Variants in BTBD9 observed in about 807,000 individuals in gnomAD.
The protein encoded by BTBD9 is BTB domain containing 9, also known as BTB/POZ domain-containing protein 9.
BTBD9 carries 49 observed loss-of-function variants against 64.3 expected under a neutral mutation model. The observed-to-expected ratio is 0.76, with a 90% CI of 0.61 to 0.97. BTBD9 has a LOEUF of 0.97. Ranked by LOEUF, BTBD9 falls within the 50% of genes least tolerant of loss-of-function variation. BTBD9 has a pLI of 0.00. For synonymous variants in BTBD9, 260 were observed against 274.7 expected, an observed-to-expected ratio of 0.95 and a Z score of 0.53; for missense variants, 598 against 762.1, an observed-to-expected ratio of 0.78 and a Z score of 2.53.
chr6:38,257,063 CTTTTTTTT>C (rs745545678), intron 8 of BTBD9, among the ~76,000 whole-genome samples: 2 of 111,382 alleles, frequency 1.8e-5, no homozygotes, highest in African/African-American at 3.3e-5. Context: ...TTGCACACTT[CTTTTTTTT>C]TTTTTTTTTT....
At chr6:38,276,488 T>TA (rs1761262372) in intron 8 of BTBD9, among the ~76,000 whole-genome samples, 1 of 151,868 alleles carries the variant, frequency 6.6e-6, no homozygotes, top group Admixed American at 6.6e-5. Context: ...CCCTAAAACT[T>TA]AAAGTATAAT....
chr6:38,280,919 CA>C (rs1403610483), intron 8 of BTBD9, among the ~76,000 whole-genome samples: 1 of 152,206 alleles, frequency 6.6e-6, no homozygotes, highest in African/African-American at 2.4e-5. Flanking sequence ...TGAGTACTCA[CA>C]GCACAGAGAA....
At chr6:38,594,442 ATCC>A in intron 2 of BTBD9, 115 bp from the exon 3 acceptor site, 1 of 1,287,838 alleles carries the variant, frequency 7.8e-7, no homozygotes, top group Non-Finnish European at 1.0e-6. Flanking sequence ...TGACACAAAG[ATCC>A]AAGTGAAAAA....
chr6:38,175,906 C>T lies in BTBD9; in HGVS notation c.1642-724G>A, dbSNP rs978866839. ...GGCTCCAGCCAGCCTGGAACAAACG[C>T]CCCCAATGTGTAGAAGCCAGCCACC... On this transcript the variant is annotated intron_variant, in intron 10 of 10. Transcript: ENST00000481247. Among the ~76,000 whole-genome samples the T allele has an allele frequency of 2.2e-4, 34 of 152,360 alleles. 1 individual carries two copies. Among genetic ancestry groups the T allele is most frequent in the African/African-American group, 8.2e-4 (34 of 41,580 alleles).
At chr6:38,330,538 G>A (rs138333282) in intron 7 of BTBD9, among the ~76,000 whole-genome samples, 90 of 151,862 alleles carry the variant, frequency 5.9e-4, no homozygotes, top group East Asian at 2.1e-3. Flanking sequence ...ATAAAATACC[G>A]TCAAATTATT....
chr6:38,266,666 G>C (rs59523749), intron 8 of BTBD9, among the ~76,000 whole-genome samples: 2 of 94,960 alleles, frequency 2.1e-5, no homozygotes, highest in African/African-American at 9.3e-5. Flanking sequence ...AAGAAAGAAA[G>C]AAAGAAAGAA....
intron 1 of BTBD9, among the ~76,000 whole-genome samples, chr6:38,628,609 T>TATACAATATATA (rs1778251639): frequency 6.6e-6 from 1 of 152,156 alleles, no homozygotes; most frequent in African/African-American, 2.4e-5. Context: ...TATGAACTTA[T>TATACAATATATA]GGTTAATATA....
intron 9 of BTBD9, among the ~76,000 whole-genome samples, chr6:38,208,011 A>G (rs1342397204): frequency 3.3e-5 from 5 of 152,222 alleles, no homozygotes; most frequent in African/African-American, 9.6e-5. Context: ...AAAAAAGCAG[A>G]GCCTAAGAAA....
At chr6:38,635,117 C>T (rs1778486084) in intron 1 of BTBD9, among the ~76,000 whole-genome samples, 1 of 151,990 alleles carries the variant, frequency 6.6e-6, no homozygotes, top group Admixed American at 6.6e-5. Context: ...TGTGCTTTAC[C>T]AAAGCCTCCA....
chr6:38,593,724 T>A lies in BTBD9; in HGVS notation c.549+240A>T, dbSNP rs115572373. On this transcript the variant is annotated intron_variant, in intron 3 of 10. Coordinates refer to ENST00000481247, the MANE Select transcript of BTBD9 (RefSeq NM_001099272.2). ...TGAAAACAACCACACAGCAGCACAG[T>A]CTCTTTTGCACATAAAACTTACCTG... Among the ~76,000 whole-genome samples, 641 of 152,230 alleles carry A rather than the reference T, an allele frequency of 4.2e-3. 10 individuals carry two copies. The highest frequency in any genetic ancestry group is 0.015 in the African/African-American group (607 of 41,516).
At chr6:38,307,589 G>C (rs1284390063) in intron 7 of BTBD9, among the ~76,000 whole-genome samples, 2 of 152,202 alleles carry the variant, frequency 1.3e-5, no homozygotes, top group African/African-American at 4.8e-5. Flanking sequence ...TTGAAAACTG[G>C]AGCCCCTTTC....
At chr6:38,255,502 C>G (rs1764545266) in intron 9 of BTBD9, among the ~76,000 whole-genome samples, 1 of 152,208 alleles carries the variant, frequency 6.6e-6, no homozygotes, top group Non-Finnish European at 1.5e-5. Flanking sequence ...GATTCTGGCT[C>G]TACACAAAGA....
intron 6 of BTBD9, among the ~76,000 whole-genome samples, chr6:38,528,479 CA>C (rs376834353): frequency 2.2e-4 from 33 of 152,302 alleles, no homozygotes; most frequent in Middle Eastern, 3.4e-3. Flanking sequence ...ACCCCTCCCC[CA>C]ATCCCAAGCA....
In BTBD9 at chr6:38,426,725, G is replaced by A. The variant is rs555757874; in HGVS notation, c.1155-81632C>T. ...CTGAACACTAGTCACTGGGTTCCAC[G>A]GTTCTCTTCCGTGACCCACAGCTTC... On this transcript the variant is annotated intron_variant, in intron 6 of 10. Transcript: ENST00000481247. Among the ~76,000 whole-genome samples, 345 of 151,888 alleles carry A rather than the reference G, an allele frequency of 2.3e-3. 1 individual carries two copies. Among genetic ancestry groups the A allele is most frequent in the Non-Finnish European group, 3.7e-3 (252 of 68,018 alleles).
At chr6:38,503,311 C>T (rs1772300051) in intron 6 of BTBD9, among the ~76,000 whole-genome samples, 2 of 152,044 alleles carry the variant, frequency 1.3e-5, no homozygotes, top group South Asian at 2.1e-4. Flanking sequence ...GGCTGCTGCC[C>T]TCCCCCTTCT....
At chr6:38,254,142 G>A (rs901788432) in intron 9 of BTBD9, among the ~76,000 whole-genome samples, 38 of 151,302 alleles carry the variant, frequency 2.5e-4, no homozygotes, top group Non-Finnish European at 4.9e-4. Context: ...TGATGCTGAG[G>A]AGGACCTAGA....
At position 38,302,509 on chromosome 6, in the gene BTBD9, A is replaced by G. The variant is rs532127901; in HGVS notation, c.1265-14048T>C. Among the ~76,000 whole-genome samples the G allele has an allele frequency of 7.0e-3, 968 of 138,226 alleles. 32 individuals carry two copies. Among genetic ancestry groups the G allele is most frequent in the African/African-American group, 0.025 (899 of 36,034 alleles). 90.7% of individuals were successfully genotyped at this position (138,226 alleles called of 152,430 possible). A position where few individuals can be genotyped will look rare whatever the true frequency, so the allele number is the denominator to read the frequency against. On this transcript the variant is annotated intron_variant, in intron 7 of 10. Coordinates refer to ENST00000481247, the MANE Select transcript of BTBD9 (RefSeq NM_001099272.2). Reference sequence around the variant, plus strand: ...TGTATATATATATATATATATATATATATATATATATATATCACATTCTCT... The same window carrying G: ...TGTATATATATATATATATATATATGTATATATATATATATCACATTCTCT...
At chr6:38,489,948 T>G (rs1304728648) in intron 6 of BTBD9, among the ~76,000 whole-genome samples, 1 of 152,228 alleles carries the variant, frequency 6.6e-6, no homozygotes, top group African/African-American at 2.4e-5. Flanking sequence ...CTTTTTAATT[T>G]GTTGTTGTTT....
chr6:38,283,691 C>T (rs1055974995), intron 8 of BTBD9, among the ~76,000 whole-genome samples: 3 of 152,130 alleles, frequency 2.0e-5, no homozygotes, highest in Admixed American at 6.5e-5. Flanking sequence ...TTGATTGGGC[C>T]CTACCACAGC....
Sources: allele counts gnomAD v4.1 joint callset (sites outside exome capture counted in the v4.1 genomes callset), GRCh38; gene constraint gnomAD v4.1.1; transcripts MANE v1.5; gene names NCBI Gene and HGNC (gene_info 2026-07-23, HGNC 2026-07-21).